DCDC2: variants seen among roughly 807,000 people sequenced by gnomAD.
DCDC2 encodes the protein doublecortin domain-containing protein 2.
DCDC2 carries 40 observed loss-of-function variants against 50.2 expected under a neutral mutation model. The ratio of observed to expected loss-of-function variants is 0.80; its 90% CI spans 0.62 to 1.04. The LOEUF is 1.04. Ranked by LOEUF, DCDC2 falls within the 50% of genes least tolerant of loss-of-function variation. The pLI, the probability that DCDC2 is intolerant of heterozygous loss-of-function variation, is 0.00. For missense variants in DCDC2, 570 were observed against 581.9 expected (o/e 0.98, Z 0.21); for synonymous variants, 234 against 210.6 (o/e 1.11, Z -0.96).
the DCDC2 span, among the ~76,000 whole-genome samples, chr6:24,378,406 A>G: frequency 2.0e-5 from 3 of 151,938 alleles, no homozygotes; most frequent in African/African-American, 4.8e-5. Context: ...CACTCTCCCT[A>G]CCACCACCCC....
chr6:24,359,419 TTA>T (rs1282679328), upstream of DCDC2, among the ~76,000 whole-genome samples: 3 of 50,978 alleles, frequency 5.9e-5, no homozygotes, highest in East Asian at 1.2e-3. Flanking sequence ...ATATTATATA[TTA>T]TATATATTTA....
chr6:24,372,206 G>A, the DCDC2 span, among the ~76,000 whole-genome samples: 1 of 152,172 alleles, frequency 6.6e-6, no homozygotes, highest in Non-Finnish European at 1.5e-5. Context: ...TGGATCACGA[G>A]GTCAGGAGAT....
At chr6:24,237,345 C>T (rs1762467386) in intron 7 of DCDC2, among the ~76,000 whole-genome samples, 1 of 152,130 alleles carries the variant, frequency 6.6e-6, no homozygotes, top group Non-Finnish European at 1.5e-5. Context: ...AACAAACCTG[C>T]ACATGTACCC....
rs770029938 is a variant in DCDC2, at chr6:24,174,790, A to C, written c.1371T>G (p.Ile457Met). 1 of 1,613,688 alleles carries C rather than the reference A, an allele frequency of 6.2e-7. No individual in the cohort carries two copies. The highest frequency in any genetic ancestry group is 1.3e-5 in the African/African-American group (1 of 75,022). ...PQRPPRPEVKITSPEENENNQ... is the reference protein window; with the variant it reads ...PQRPPRPEVKMTSPEENENNQ... ...TGTTTTCATTTTCTTCTGGACTGGTAATTTTTACTTCTGGCCTTGGTGGTC... is the reference window on the plus strand; with the variant it reads ...TGTTTTCATTTTCTTCTGGACTGGTCATTTTTACTTCTGGCCTTGGTGGTC... Residue 457 changes from isoleucine to methionine, a missense_variant, in exon 10 of 10, where the codon ATT becomes ATG. Physicochemically the swap from Ile to Met is conservative, Grantham distance 10 (BLOSUM62 1). Coordinates refer to ENST00000378454, the MANE Select transcript of DCDC2 (RefSeq NM_016356.5).
intron 2 of DCDC2, among the ~76,000 whole-genome samples, chr6:24,321,518 A>G (rs1362961635): frequency 6.6e-6 from 1 of 152,180 alleles, no homozygotes; most frequent in Non-Finnish European, 1.5e-5. Flanking sequence ...AATTCTAAAA[A>G]TAAGAGATCT....
chr6:24,259,661 A>C (rs1403113388), intron 7 of DCDC2, among the ~76,000 whole-genome samples: 2 of 152,202 alleles, frequency 1.3e-5, no homozygotes, highest in Non-Finnish European at 2.9e-5. Context: ...AGAGATTTAA[A>C]TGCTGAAACT....
intron 8 of DCDC2, among the ~76,000 whole-genome samples, chr6:24,179,041 G>GT (rs1408497033): frequency 6.6e-6 from 1 of 150,776 alleles, no homozygotes; most frequent in Non-Finnish European, 1.5e-5. Context: ...AGAGGAAGAG[G>GT]TTTAAAAAAA....
In DCDC2 at chr6:24,172,836, A is replaced by T. The variant is rs924037628; in HGVS notation, c.*1894T>A. 6.6e-6 allele frequency: 1 copy of T among 152,048 alleles called. No homozygotes were observed. The allele number at this position is 152,048 out of a possible 1,614,324, so 9.4% of individuals were successfully genotyped here. On this transcript the variant is annotated 3_prime_UTR_variant, in exon 10 of 10. Transcript: ENST00000378454. The stretch of plus-strand genomic sequence containing the variant: ...TGGTGAAACATCTGTCTCTACAAAA[A>T]ATACAAAAATTAGCCAGGTGTGGTG...
rs1207534469 is a variant in DCDC2 at position 24,205,283 on chromosome 6, T to C, written c.923-181A>G. 20 of 1,551,448 alleles carry C rather than the reference T, an allele frequency of 1.3e-5. No homozygotes were observed. In the African/African-American group the frequency reaches 2.1e-4, roughly 16 times the overall value. On this transcript the variant is annotated intron_variant, in intron 7 of 9. Transcript: ENST00000378454. ...CACCCCCAGTTGTTCCACATTTTCA[T>C]TGAGAAAACATTCAGTGGTCAAAAC...
At chr6:24,260,651 T>C (rs1418734343) in intron 7 of DCDC2, among the ~76,000 whole-genome samples, 1 of 152,138 alleles carries the variant, frequency 6.6e-6, no homozygotes, top group African/African-American at 2.4e-5. Context: ...GCTCAGAAAA[T>C]AAAAATTTCT....
At chr6:24,287,574 T>C (rs1286673173) in intron 6 of DCDC2, among the ~76,000 whole-genome samples, 1 of 152,228 alleles carries the variant, frequency 6.6e-6, no homozygotes, top group Non-Finnish European at 1.5e-5. Flanking sequence ...GTAAAGAGCT[T>C]GGCATAGTGT....
intron 7 of DCDC2, among the ~76,000 whole-genome samples, chr6:24,217,097 C>T (rs748064369): frequency 2.6e-5 from 4 of 151,994 alleles, no homozygotes; most frequent in African/African-American, 9.7e-5. Flanking sequence ...TAAAAAACTC[C>T]TTAGCTTCAG....
the DCDC2 span, among the ~76,000 whole-genome samples, chr6:24,365,444 A>G: frequency 6.6e-6 from 1 of 152,172 alleles, no homozygotes; most frequent in South Asian, 2.1e-4. Context: ...GGTGCCTGGC[A>G]CCATGCCAAT....
Position 24,353,724 on chromosome 6 carries a change from T to C in DCDC2, c.294-101A>G, listed in dbSNP as rs188220099. 8.5e-6 allele frequency: 6 copies of C among 703,592 alleles called. No homozygotes were observed. In the Admixed American group the frequency reaches 9.7e-5, roughly 11 times the overall value. The allele number at this position is 703,592 out of a possible 1,614,324, so 43.6% of individuals were successfully genotyped here. On this transcript the variant is annotated intron_variant, in intron 1 of 9. Transcript: ENST00000378454. ...AAAAAATAAAGCAACTCATAGGAAA[T>C]TCTCAACCTTAAAGCAAAAACAAAT...
chr6:24,252,445 T>A (rs1327260084), intron 7 of DCDC2, among the ~76,000 whole-genome samples: 1 of 152,164 alleles, frequency 6.6e-6, no homozygotes, highest in African/African-American at 2.4e-5. Context: ...CATGCTGACC[T>A]GCTGAGCAAA....
At chr6:24,177,973 C>A (rs1209877081) in intron 9 of DCDC2, among the ~76,000 whole-genome samples, 1 of 152,004 alleles carries the variant, frequency 6.6e-6, no homozygotes, top group Non-Finnish European at 1.5e-5. Context: ...TGGTTTCTAC[C>A]TTCTCTGGTC....
chr6:24,373,180 G>A, the DCDC2 span, among the ~76,000 whole-genome samples: 1 of 152,182 alleles, frequency 6.6e-6, no homozygotes, highest in African/African-American at 2.4e-5. Flanking sequence ...AAATTATTTG[G>A]CATGTCCTAT....
chr6:24,277,779 T>A (rs1763392024), intron 7 of DCDC2, among the ~76,000 whole-genome samples: 1 of 151,250 alleles, frequency 6.6e-6, no homozygotes, highest in Non-Finnish European at 1.5e-5. Flanking sequence ...GCAATATCAG[T>A]GGGAGCAGAG....
At chr6:24,230,705 G>C (rs1762322973) in intron 7 of DCDC2, among the ~76,000 whole-genome samples, 1 of 152,146 alleles carries the variant, frequency 6.6e-6, no homozygotes, top group African/African-American at 2.4e-5. Flanking sequence ...ATATCAGAGG[G>C]GAGACTGTTC....
Sources: allele counts gnomAD v4.1 joint callset (sites outside exome capture counted in the v4.1 genomes callset), GRCh38; gene constraint gnomAD v4.1.1; transcripts MANE v1.5; gene names NCBI Gene and HGNC (gene_info 2026-07-23, HGNC 2026-07-21).